The following DPH6 variants were observed in gnomAD, a reference collection of about 807,000 sequenced individuals.
The protein encoded by DPH6 is diphthamine biosynthesis 6.
DPH6 carries 33 observed loss-of-function variants against 38.2 expected under a neutral mutation model. The ratio of observed to expected loss-of-function variants is 0.86; its 90% CI spans 0.65 to 1.15. The LOEUF is 1.15. Among genes scored for constraint, DPH6 ranks in the 50% most tolerant of loss-of-function variants. DPH6 has a pLI of 0.00. For synonymous variants in DPH6, 108 were observed against 103.0 expected, an observed-to-expected ratio of 1.05 and a Z score of -0.30; for missense variants, 325 against 320.0, an observed-to-expected ratio of 1.02 and a Z score of -0.12.
At chr15:35,180,627 A>C in the DPH6 span, among the ~76,000 whole-genome samples, 1 of 152,050 alleles carries the variant, frequency 6.6e-6, no homozygotes, top group Non-Finnish European at 1.5e-5. Context: ...TGCCCAGATA[A>C]GTTTTTTAAC....
chr15:35,158,568 A>G, the DPH6 span, among the ~76,000 whole-genome samples: 3 of 152,204 alleles, frequency 2.0e-5, no homozygotes, highest in African/African-American at 7.2e-5. Flanking sequence ...GAAAAACTAG[A>G]AAAACTGGTA....
At chr15:35,400,027 C>T (rs758710590) in intron 6 of DPH6, among the ~76,000 whole-genome samples, 25 of 152,086 alleles carry the variant, frequency 1.6e-4, no homozygotes, top group Admixed American at 3.3e-4. Context: ...ATAGGCATAG[C>T]GAGAACCTGG....
chr15:35,471,020 A>T (rs115964898), intron 3 of DPH6, among the ~76,000 whole-genome samples: 1 of 152,212 alleles, frequency 6.6e-6, no homozygotes, highest in Non-Finnish European at 1.5e-5. Context: ...GCTTTACAAC[A>T]TACACATTAA....
intron 3 of DPH6, among the ~76,000 whole-genome samples, chr15:35,229,105 A>C (rs558683276): frequency 4.7e-4 from 72 of 152,120 alleles, no homozygotes; most frequent in African/African-American, 1.7e-3. Flanking sequence ...ATGTTTGAAA[A>C]ATTCTCTGTT....
chr15:35,327,392 CTGGAG>C (rs1394242264), downstream of DPH6, among the ~76,000 whole-genome samples: 1 of 145,534 alleles, frequency 6.9e-6, no homozygotes, highest in African/African-American at 2.6e-5. Flanking sequence ...GTCCCCCAGG[CTGGAG>C]TGCAGTGACG....
intron 6 of DPH6, among the ~76,000 whole-genome samples, chr15:35,402,420 G>A (rs185432027): frequency 6.6e-6 from 1 of 152,056 alleles, no homozygotes; most frequent in African/African-American, 2.4e-5. Flanking sequence ...ATTATAGATG[G>A]GACTGAAGCT....
intron 6 of DPH6, among the ~76,000 whole-genome samples, chr15:35,385,367 C>CA (rs1385898891): frequency 1.1e-4 from 16 of 152,124 alleles, no homozygotes; most frequent in Non-Finnish European, 2.1e-4. Flanking sequence ...GGAACCAACC[C>CA]AAATGCCCAT....
intron 8 of DPH6, among the ~76,000 whole-genome samples, chr15:35,373,196 T>C (rs571613662): frequency 3.3e-5 from 5 of 152,038 alleles, no homozygotes; most frequent in African/African-American, 1.2e-4. Flanking sequence ...TTAATGCTTA[T>C]GTACAGTAAC....
chr15:35,185,916 A>C, the DPH6 span, among the ~76,000 whole-genome samples: 1 of 151,326 alleles, frequency 6.6e-6, no homozygotes, highest in African/African-American at 2.4e-5. Flanking sequence ...TTGTGTTTTT[A>C]GTAGAGATGG....
downstream of DPH6, among the ~76,000 whole-genome samples, chr15:35,369,054 T>C (rs2052687071): frequency 6.6e-6 from 1 of 151,668 alleles, no homozygotes; most frequent in Non-Finnish European, 1.5e-5. Flanking sequence ...GAGAAGCTAC[T>C]GAAGAAGATA....
At chr15:35,279,064 A>ATATATAT (rs1334725926) in intron 3 of DPH6, among the ~76,000 whole-genome samples, 39 of 124,018 alleles carry the variant, frequency 3.1e-4, no homozygotes, top group Non-Finnish European at 4.9e-4. Flanking sequence ...AAAAAAAAAA[A>ATATATAT]AAAAATATAT....
intron 6 of DPH6, among the ~76,000 whole-genome samples, chr15:35,386,037 C>T (rs1030381934): frequency 1.3e-5 from 2 of 152,024 alleles, no homozygotes; most frequent in African/African-American, 4.8e-5. Context: ...TGAGGTTCCC[C>T]TTCCTGTGTC....
chr15:35,354,996 T>G (rs2052546914), intron 3 of DPH6, among the ~76,000 whole-genome samples: 2 of 152,230 alleles, frequency 1.3e-5, no homozygotes, highest in South Asian at 4.1e-4. Flanking sequence ...ATATTTAGGA[T>G]AGTTAGTTCT....
intron 3 of DPH6, among the ~76,000 whole-genome samples, chr15:35,531,429 T>C (rs1004628915): frequency 6.6e-6 from 1 of 152,148 alleles, no homozygotes; most frequent in Admixed American, 6.5e-5. Context: ...TGGTTTTATA[T>C]CACATATCAT....
intron 3 of DPH6, among the ~76,000 whole-genome samples, chr15:35,477,667 G>A (rs2054278596): frequency 6.6e-6 from 1 of 151,782 alleles, no homozygotes; most frequent in Admixed American, 6.6e-5. Context: ...AACATGCATA[G>A]TGATTCATTT....
At chr15:35,326,165 T>C (rs2052280810), downstream of DPH6, among the ~76,000 whole-genome samples, 1 of 152,234 alleles carries the variant, frequency 6.6e-6, no homozygotes, top group Non-Finnish European at 1.5e-5. Context: ...GTAAACTTAC[T>C]GTCTACCTTT....
intron 3 of DPH6, among the ~76,000 whole-genome samples, chr15:35,228,681 T>A (rs879525595): frequency 6.6e-6 from 1 of 152,210 alleles, no homozygotes; most frequent in Admixed American, 6.5e-5. Flanking sequence ...TTCTTATTGC[T>A]CATTAACGCC....
chr15:35,317,617 T>C (rs894039265), intron 3 of DPH6, among the ~76,000 whole-genome samples: 6 of 137,144 alleles, frequency 4.4e-5, no homozygotes, highest in Non-Finnish European at 8.9e-5. Context: ...AAAAGAAGAT[T>C]CCAAATGGAT....
chr15:35,522,185 A>C, intron 3 of DPH6: 1 of 1,613,400 alleles, frequency 6.2e-7, no homozygotes, highest in Non-Finnish European at 8.5e-7. Flanking sequence ...GGAGTCCTGT[A>C]AACAATCGCC....
Sources: allele counts gnomAD v4.1 joint callset (sites outside exome capture counted in the v4.1 genomes callset), GRCh38; gene constraint gnomAD v4.1.1; transcripts MANE v1.5; gene names NCBI Gene and HGNC (gene_info 2026-07-23, HGNC 2026-07-21).